The following SHOC1 variants were observed in gnomAD, a reference collection of about 807,000 sequenced individuals.
SHOC1 encodes shortage in chiasmata 1.
A neutral mutation model predicts 179.2 loss-of-function variants in SHOC1; 136 were observed. The ratio of observed to expected loss-of-function variants is 0.76; its 90% confidence interval spans 0.66 to 0.87. The LOEUF (loss-of-function observed/expected upper bound fraction) is 0.87. SHOC1 is among the 40% of genes least tolerant of loss of function. The pLI is 0.00. For synonymous variants in SHOC1, 489 were observed against 586.6 expected (o/e 0.83, Z 2.41); for missense variants, 1,538 against 1,700.8 (o/e 0.90, Z 1.68).
chr9:111,688,449 A>G (rs1831280658), intron 27 of SHOC1, among the ~76,000 whole-genome samples: 1 of 152,190 alleles, frequency 6.6e-6, no homozygotes, highest in Non-Finnish European at 1.5e-5. Flanking sequence ...ACAAATTTCC[A>G]GTTAACCAAT....
intron 23 of SHOC1, among the ~76,000 whole-genome samples, chr9:111,700,858 A>T (rs1022638292): frequency 6.6e-6 from 1 of 151,860 alleles, no homozygotes; most frequent in Admixed American, 6.6e-5. Flanking sequence ...ACCAGCCCTT[A>T]AAAAAAACCC....
At chr9:111,749,623 G>A (rs943682606) in intron 8 of SHOC1, among the ~76,000 whole-genome samples, 1 of 151,968 alleles carries the variant, frequency 6.6e-6, no homozygotes, top group Admixed American at 6.6e-5. Context: ...TCATCACCGA[G>A]GTATTAAGCC....
chr9:111,712,593 A>G (rs1045896451), intron 18 of SHOC1, among the ~76,000 whole-genome samples: 7 of 152,176 alleles, frequency 4.6e-5, no homozygotes, highest in African/African-American at 1.7e-4. Flanking sequence ...ACCAAGTGGA[A>G]AGGGTTGACA....
rs566649349 is a variant in SHOC1 at position 111,718,409 on chromosome 9, C to G, written c.2132-121G>C. On this transcript the variant is annotated intron_variant, in intron 15 of 27. Transcript: ENST00000682961. ...TATTGAGTGCTTACTATATGCCAGG[C>G]TGTATATAAGCTGGCTATTTCATTG... 1,502 of 525,338 alleles carry G rather than the reference C, an allele frequency of 2.9e-3. 7 individuals carry two copies. The highest frequency in any genetic ancestry group is 5.8e-3 in the South Asian group (162 of 27,904). 32.5% of individuals were successfully genotyped at this position (525,338 alleles called of 1,614,324 possible). A position where few individuals can be genotyped will look rare whatever the true frequency, so the allele number is the denominator to read the frequency against.
intron 24 of SHOC1, among the ~76,000 whole-genome samples, chr9:111,694,636 A>G (rs1323581916): frequency 6.6e-6 from 1 of 152,104 alleles, no homozygotes; most frequent in Non-Finnish European, 1.5e-5. Flanking sequence ...TCATTAAAAT[A>G]TAGTGTTATA....
chr9:111,735,059 A>G (rs1296014114), intron 12 of SHOC1, among the ~76,000 whole-genome samples: 1 of 152,046 alleles, frequency 6.6e-6, no homozygotes. Context: ...TAGAACATGC[A>G]GTATTTGGTT....
chr9:111,779,115 AGAGAGAG>A (rs1482706162), intron 4 of SHOC1, among the ~76,000 whole-genome samples: 49 of 120,684 alleles, frequency 4.1e-4, no homozygotes, highest in African/African-American at 9.1e-4. Flanking sequence ...AAAAAAAAAA[AGAGAGAG>A]AGAGAGAGAG....
rs780045451 is a variant in SHOC1 at position 111,743,810 on chromosome 9, G to A, written c.1080-2240C>T. On this transcript the variant is annotated intron_variant, in intron 10 of 27. Transcript: ENST00000682961. ...TTAAGGTCTTGGAATTTATTCTCCC[G>A]GCATAAAGGGGGACTACTGTAAACT... is the stretch of plus-strand genomic sequence containing the variant. Among the ~76,000 whole-genome samples, 5 of 152,206 alleles carry A rather than the reference G, an allele frequency of 3.3e-5. No individual in the cohort carries two copies. The East Asian group carries it at 5.8e-4, about 18-fold the overall frequency.
rs1455895577 is a variant in SHOC1 at position 111,756,307 on chromosome 9, T to C, written c.862+18A>G. On this transcript the variant is annotated intron_variant, in intron 8 of 27. Coordinates refer to ENST00000682961, the MANE Select transcript of SHOC1 (RefSeq NM_001378211.1). ...TAAGTGGTTTTTACAAGTAATACATTTTACAATTAATTCTCACCTCTTTCA... is the reference window on the plus strand; with the variant it reads ...TAAGTGGTTTTTACAAGTAATACATCTTACAATTAATTCTCACCTCTTTCA... 5 of 1,563,998 alleles carry C rather than the reference T, an allele frequency of 3.2e-6. No individual in the cohort carries two copies. The highest frequency in any genetic ancestry group is 4.0e-5 in the Admixed American group (2 of 50,002).
At chr9:111,696,240 TCTTA>T (rs1043530007) in intron 24 of SHOC1, among the ~76,000 whole-genome samples, 1 of 152,240 alleles carries the variant, frequency 6.6e-6, no homozygotes, top group African/African-American at 2.4e-5. Flanking sequence ...AAGAAAATGT[TCTTA>T]AACTTCCTAA....
chr9:111,774,500 A>G (rs61640771), intron 5 of SHOC1, among the ~76,000 whole-genome samples: 1,523 of 152,192 alleles, frequency 0.01, 18 homozygotes, highest in African/African-American at 0.035. Flanking sequence ...GGGTCTTGCC[A>G]TGTTGCCCAG....
chr9:111,793,820 AGAT>A (rs200119496), intron 1 of SHOC1, among the ~76,000 whole-genome samples: 4 of 151,780 alleles, frequency 2.6e-5, no homozygotes, highest in African/African-American at 4.8e-5. Flanking sequence ...AGCTTTCCCA[AGAT>A]GATGATGATG....
Position 111,702,215 on chromosome 9 carries a change from T to C in SHOC1, c.2979A>G (p.Glu993=). 1.4e-6 allele frequency: 2 copies of C among 1,435,838 alleles called. No homozygotes were observed. Among genetic ancestry groups the C allele is most frequent in the Non-Finnish European group, 2.0e-6 (2 of 1,024,038 alleles). The allele number at this position is 1,435,838 out of a possible 1,614,324, so 88.9% of individuals were successfully genotyped here. A position where few individuals can be genotyped will look rare whatever the true frequency, so the allele number is the denominator to read the frequency against. Residue 993 remains glutamate (E), a synonymous_variant, in exon 23 of 28, where the codon GAA becomes GAG. Transcript: ENST00000682961. ...TGTCTGATGCCTTCTCATAATTCAA[T>C]TCTTCTAGATCCTATCAGAAAATAA... The part of the protein sequence containing the change: ...HTAIILQDLE[E]LNYEKASDNI...
chr9:111,764,116 TC>T (rs200866825), intron 5 of SHOC1, among the ~76,000 whole-genome samples: 5,264 of 152,210 alleles, frequency 0.035, 321 homozygotes, highest in African/African-American at 0.12. Context: ...TCCTGTTCAG[TC>T]CCACCAAAAT....
At chr9:111,770,591 T>C (rs1366605310) in intron 5 of SHOC1, among the ~76,000 whole-genome samples, 1 of 152,142 alleles carries the variant, frequency 6.6e-6, no homozygotes. Context: ...TGCTCTTTGT[T>C]GATTTTCTGT....
chr9:111,759,253 T>C (rs368519948), intron 5 of SHOC1: 4 of 1,613,650 alleles, frequency 2.5e-6, no homozygotes, highest in Non-Finnish European at 3.4e-6. Context: ...TTTTACCTCT[T>C]AATATCTCCA....
chr9:111,752,487 C>A (rs1162356908), intron 8 of SHOC1, among the ~76,000 whole-genome samples: 8 of 152,154 alleles, frequency 5.3e-5, no homozygotes, highest in Admixed American at 5.2e-4. Context: ...AGGAAGATAG[C>A]AAACTACAGT....
chr9:111,702,327 GAA>G (rs1321155288), intron 22 of SHOC1, 101 bp from the exon 23 acceptor site: 1 of 793,998 alleles, frequency 1.3e-6, no homozygotes, highest in Non-Finnish European at 1.9e-6. Flanking sequence ...TAAATAAGTT[GAA>G]AAGAGGCATG....
intron 4 of SHOC1, 29 bp from the exon 5 acceptor site, chr9:111,776,004 T>G: frequency 6.4e-7 from 1 of 1,562,658 alleles, no homozygotes; most frequent in Non-Finnish European, 8.8e-7. Flanking sequence ...ACTAATGTTA[T>G]GTATGTCCTA....
Sources: allele counts gnomAD v4.1 joint callset (sites outside exome capture counted in the v4.1 genomes callset), GRCh38; gene constraint gnomAD v4.1.1; transcripts MANE v1.5; gene names NCBI Gene and HGNC (gene_info 2026-07-23, HGNC 2026-07-21).